The following LAMA3 variants were observed in gnomAD, a reference collection of about 807,000 sequenced individuals.
LAMA3 encodes the protein laminin subunit alpha 3.
LAMA3 carries 281 observed loss-of-function variants against 402.0 expected under a neutral mutation model. The observed-to-expected ratio is 0.70, with a 90% confidence interval of 0.63 to 0.77. LAMA3 has a LOEUF of 0.77. LAMA3 is among the 30% of genes least tolerant of loss of function. LAMA3 has a pLI of 0.00. For synonymous variants in LAMA3, 1,431 were observed against 1,558.4 expected (o/e 0.92, Z 1.93); for missense variants, 3,840 against 4,215.5 (o/e 0.91, Z 2.47).
At chr18:23,753,944 TG>T (rs1478776724) in intron 6 of LAMA3, 132 bp downstream of exon 6, 20 of 722,024 alleles carry the variant, frequency 2.8e-5, no homozygotes, top group Non-Finnish European at 3.3e-5. Context: ...AATGAATAGG[TG>T]GGGGGTGTGT....
intron 12 of LAMA3, among the ~76,000 whole-genome samples, chr18:23,808,910 A>G (rs558392542): frequency 6.6e-6 from 1 of 152,290 alleles, no homozygotes; most frequent in South Asian, 2.1e-4. Flanking sequence ...TACCTTATGA[A>G]TCTTTTCTTT....
chr18:23,921,179 G>A (rs1323424878), intron 61 of LAMA3, 125 bp downstream of exon 61: 1 of 1,122,242 alleles, frequency 8.9e-7, no homozygotes, highest in Non-Finnish European at 1.3e-6. Context: ...TGTTAACTGA[G>A]GGATATATCC....
rs1388576737 is a variant in LAMA3, at chr18:23,914,554, T to C, written c.7474T>C (p.Phe2492Leu). The C allele has an allele frequency of 6.2e-7, 1 of 1,614,070 alleles. No individual in the cohort carries two copies. The highest frequency in any genetic ancestry group is 1.1e-5 in the South Asian group (1 of 91,066). ...TKEAVMDRVK[F>L]QRIYQFARLN... ...GGAGGCAGTTATGGATCGGGTGAAATTTCAGAGGTACAAGTCTGATTGACT... is the reference window on the plus strand; with the variant it reads ...GGAGGCAGTTATGGATCGGGTGAAACTTCAGAGGTACAAGTCTGATTGACT... Residue 2492 changes from phenylalanine to leucine, a missense_variant, in exon 57 of 75, where the codon TTT becomes CTT. Phe to Leu is a conservative substitution (Grantham distance 22, BLOSUM62 0). This residue lies in a region of LAMA3 where 891 missense variants were observed against 857.5 expected (regional missense o/e 1.04). Transcript: ENST00000313654.
Position 23,871,316 on chromosome 18 carries a change from C to A in LAMA3, c.4768-115C>A, listed in dbSNP as rs1598964670. The A allele has an allele frequency of 1.2e-5, 10 of 805,184 alleles. No homozygotes were observed. In the South Asian group the frequency reaches 1.4e-4, roughly 11 times the overall value. The allele number at this position is 805,184 out of a possible 1,614,324, so 49.9% of individuals were successfully genotyped here. Reference sequence around the variant, plus strand: ...GGTATTTCCCCGTCTTATTTCATTTCTCCCTATGCATTTTAAGTGTCTTGT... The same window carrying A: ...GGTATTTCCCCGTCTTATTTCATTTATCCCTATGCATTTTAAGTGTCTTGT... On this transcript the variant is annotated intron_variant, in intron 37 of 74. Coordinates refer to ENST00000313654, the MANE Select transcript of LAMA3 (RefSeq NM_198129.4).
chr18:23,917,588 T>A (rs984300087), intron 60 of LAMA3, among the ~76,000 whole-genome samples: 1 of 152,202 alleles, frequency 6.6e-6, no homozygotes, highest in African/African-American at 2.4e-5. Context: ...GGTATCTCAT[T>A]GTTTTGATTT....
intron 1 of LAMA3, among the ~76,000 whole-genome samples, chr18:23,702,289 A>C (rs1468707502): frequency 1.3e-5 from 2 of 152,180 alleles, no homozygotes; most frequent in African/African-American, 4.8e-5. Flanking sequence ...TGGAGGGAGA[A>C]GACTAACGGC....
At position 23,838,112 on chromosome 18, in the gene LAMA3, G is replaced by T. The variant is rs563251761; in HGVS notation, c.3094-669G>T. Among the ~76,000 whole-genome samples the T allele has an allele frequency of 1.8e-4, 28 of 152,220 alleles. No homozygotes were observed. In the South Asian group the frequency reaches 5.8e-3, roughly 32 times the overall value. On this transcript the variant is annotated intron_variant, in intron 25 of 74. Transcript: ENST00000313654. ...GAACATAAGCTCTATGAAGGCAGGG[G>T]TGTTGTCCATCTTGGACTTGTAAGA...
chr18:23,708,681 T>G (rs2145883252), intron 1 of LAMA3, among the ~76,000 whole-genome samples: 1 of 152,286 alleles, frequency 6.6e-6, no homozygotes, highest in South Asian at 2.1e-4. Context: ...TCCAGCTACC[T>G]TGCTAAAAAT....
chr18:23,901,041 A>C, intron 47 of LAMA3, 86 bp from the exon 48 acceptor site: 1 of 1,213,984 alleles, frequency 8.2e-7, no homozygotes, highest in Non-Finnish European at 1.2e-6. Flanking sequence ...AAATGAGTAG[A>C]AACTCGATTC....
Position 23,895,657 on chromosome 18 carries a change from A to G in LAMA3, c.5613+599A>G, listed in dbSNP as rs1229332272. On this transcript the variant is annotated intron_variant, in intron 44 of 74. Transcript: ENST00000313654. Reference sequence around the variant, plus strand: ...AGTCTATAAAGATGCCTTCTTATTCATTTTCTGATAATGATAATTTATGAC... The same window carrying G: ...AGTCTATAAAGATGCCTTCTTATTCGTTTTCTGATAATGATAATTTATGAC... Among the ~76,000 whole-genome samples, 7 of 152,154 alleles carry G rather than the reference A, an allele frequency of 4.6e-5. No individual in the cohort carries two copies. The East Asian group carries it at 1.4e-3, about 29-fold the overall frequency.
chr18:23,858,999 C>G (rs2064152224), intron 34 of LAMA3, among the ~76,000 whole-genome samples, 170 bp downstream of exon 34: 1 of 152,200 alleles, frequency 6.6e-6, no homozygotes, highest in African/African-American at 2.4e-5. Flanking sequence ...TTCACCACTT[C>G]CTATAAAATA....
chr18:23,937,371 C>CAAAAAAAAAAAA (rs58274189), intron 67 of LAMA3, among the ~76,000 whole-genome samples: 1 of 92,918 alleles, frequency 1.1e-5, no homozygotes, highest in African/African-American at 5.1e-5. Flanking sequence ...TTCTCAAAAG[C>CAAAAAAAAAAAA]AAAAAAAAAA....
At chr18:23,900,070 C>CGTGTGTGTGT (rs35969367) in intron 47 of LAMA3, among the ~76,000 whole-genome samples, 4 of 150,632 alleles carry the variant, frequency 2.7e-5, no homozygotes, top group Non-Finnish European at 5.9e-5. Flanking sequence ...TGTGTGTGTG[C>CGTGTGTGTGT]GTGTGTGTGT....
chr18:23,815,228 A>G lies in LAMA3; in HGVS notation c.1929A>G (p.Gly643=). ...CHKAGTVSGT[G]ECRQGDGDCH... is the part of the protein sequence containing the mutation. ...AGGCGGGAACAGTGAGTGGAACTGG[A>G]GAGTGTAGGCAGGTAAAGTGGGCTG... The change falls in exon 16 of 75, where the codon GGA becomes GGG. Residue 643 remains glycine (G), a synonymous_variant. Transcript: ENST00000313654. 6.2e-7 allele frequency: 1 copy of G among 1,614,104 alleles called. No homozygotes were observed. Among genetic ancestry groups the G allele is most frequent in the South Asian group, 1.1e-5 (1 of 91,064 alleles).
chr18:23,952,765 A>G (rs1368156065), intron 73 of LAMA3, among the ~76,000 whole-genome samples: 2 of 152,214 alleles, frequency 1.3e-5, no homozygotes, highest in African/African-American at 4.8e-5. Flanking sequence ...GGGGAATGAT[A>G]ATTTCTTCTT....
chr18:23,916,900 G>T (rs1182710173), intron 60 of LAMA3, among the ~76,000 whole-genome samples: 1 of 151,388 alleles, frequency 6.6e-6, no homozygotes, highest in African/African-American at 2.4e-5. Context: ...AGTTTCAGGG[G>T]TGCAGGTGCA....
intron 12 of LAMA3, among the ~76,000 whole-genome samples, chr18:23,804,420 A>C (rs950369156): frequency 6.6e-6 from 1 of 152,062 alleles, no homozygotes; most frequent in Admixed American, 6.5e-5. Context: ...GAGGTAGAAG[A>C]CTCTGGATGT....
chr18:23,899,015 G>A lies in LAMA3; in HGVS notation c.5786G>A (p.Ser1929Asn). The A allele has an allele frequency of 6.2e-7, 1 of 1,614,030 alleles. No homozygotes were observed. Among genetic ancestry groups the A allele is most frequent in the Non-Finnish European group, 8.5e-7 (1 of 1,179,960 alleles). Reference protein sequence around the residue: ...LNNNVNRATQSAKELDVKIKN... With the variant: ...LNNNVNRATQNAKELDVKIKN... ...AACAATGTTAATCGGGCAACACAAA[G>A]CGCAAAAGAACTGGATGTGAAGATT... Residue 1929 changes from serine (S) to asparagine (N), a missense_variant, in exon 46 of 75, where the codon AGC becomes AAC. Physicochemically the swap from Ser to Asn is conservative, Grantham distance 46 (BLOSUM62 1). Around this residue, in one of 3 missense-constraint regions of LAMA3, gnomAD observed 891 missense variants for 857.5 expected, o/e 1.04. Transcript: ENST00000313654.
chr18:23,948,094 G>A (rs772145667), intron 70 of LAMA3, among the ~76,000 whole-genome samples: 1 of 152,140 alleles, frequency 6.6e-6, no homozygotes, highest in African/African-American at 2.4e-5. Context: ...TTACAGGCGT[G>A]AGCCACCGTG....
Sources: gnomAD v4.1 joint callset for allele counts (sites outside exome capture counted in the v4.1 genomes callset) on GRCh38, gnomAD v4.1.1 for gene constraint, gnomAD v4.1.1 regional missense constraint, MANE v1.5 for transcripts, NCBI Gene and HGNC (gene_info 2026-07-23, HGNC 2026-07-21) for gene names.